The following RIPK2 variants were observed in gnomAD, a reference collection of about 807,000 sequenced individuals.
RIPK2 encodes receptor interacting serine/threonine kinase 2.
A neutral mutation model predicts 60.9 loss-of-function variants in RIPK2; 38 were observed. That is an observed-to-expected ratio of 0.62 (90% CI 0.48 to 0.82). The LOEUF (loss-of-function observed/expected upper bound fraction) is 0.82, where lower values mean the gene tolerates loss of function less well. Among genes scored for constraint, RIPK2 ranks in the 40% least tolerant of loss-of-function variants. The pLI, the probability that RIPK2 is intolerant of heterozygous loss-of-function variation, is 0.00. For synonymous variants in RIPK2, 225 were observed against 223.4 expected, an observed-to-expected ratio of 1.01 and a Z score of -0.06; for missense variants, 518 against 647.0, an observed-to-expected ratio of 0.80 and a Z score of 2.16.
At chr8:89,764,170 AC>A (rs1443973124) in intron 2 of RIPK2, among the ~76,000 whole-genome samples, 3 of 152,140 alleles carry the variant, frequency 2.0e-5, no homozygotes, top group Admixed American at 6.5e-5. Flanking sequence ...AGAAAAAGTT[AC>A]CTTTTTTACA....
At chr8:89,782,989 A>G (rs1157935635) in intron 7 of RIPK2, among the ~76,000 whole-genome samples, 1 of 152,224 alleles carries the variant, frequency 6.6e-6, no homozygotes, top group Admixed American at 6.5e-5. Flanking sequence ...AACTCATTTT[A>G]AAGGGTCATA....
Position 89,786,689 on chromosome 8 carries a change from A to T in RIPK2, c.1123+3A>T. On this transcript the variant is annotated splice_donor_region_variant and intron_variant, in intron 9 of 10. Transcript: ENST00000220751. The stretch of plus-strand genomic sequence containing the variant: ...TCAAGACAATGATTTTTTATCTAGT[A>T]TGTAGATTTTCCAATCATTATTTAC... 2 of 1,485,888 alleles carry T rather than the reference A, an allele frequency of 1.3e-6. No individual in the cohort carries two copies. Among genetic ancestry groups the T allele is most frequent in the Non-Finnish European group, 1.8e-6 (2 of 1,082,362 alleles). 92.0% of individuals were successfully genotyped at this position (1,485,888 alleles called of 1,614,324 possible).
rs35395048 is a variant in RIPK2, at chr8:89,780,160, G to C, written c.939G>C (p.Lys313Asn). ...LEAVIQLKKT[K>N]LQSVSSAIHL... ...CTGTTATTCAGCTAAAGAAAACAAA[G>C]GTAAGTTGCTAAATGAAATGCTGGA... is the stretch of plus-strand genomic sequence containing the variant. The change falls in exon 7 of 11, where the codon AAG becomes AAC. Residue 313 changes from lysine to asparagine, a missense_variant and splice_region_variant. This residue lies in a region of RIPK2 where 448 missense variants were observed against 534.7 expected (regional missense o/e 0.84). Coordinates refer to ENST00000220751, the MANE Select transcript of RIPK2 (RefSeq NM_003821.6). 165 of 1,473,596 alleles carry C rather than the reference G, an allele frequency of 1.1e-4. No individual in the cohort carries two copies. The East Asian group carries it at 3.5e-3, about 32-fold the overall frequency. The allele number at this position is 1,473,596 out of a possible 1,614,324, so 91.3% of individuals were successfully genotyped here. A position where few individuals can be genotyped will look rare whatever the true frequency, so the allele number is the denominator to read the frequency against.
chr8:89,765,526 C>T (rs747912283), intron 3 of RIPK2, 30 bp downstream of exon 3: 18 of 1,420,826 alleles, frequency 1.3e-5, no homozygotes, highest in Non-Finnish European at 1.4e-5. Context: ...GTTTATGTTT[C>T]CTTGTCCTTA....
At position 89,784,140 on chromosome 8, in the gene RIPK2, G is replaced by C; in HGVS notation, c.1029+1G>C. On this transcript the variant is annotated splice_donor_variant, in intron 8 of 10. Coordinates refer to ENST00000220751, the MANE Select transcript of RIPK2 (RefSeq NM_003821.6). LOFTEE classifies it high-confidence loss of function. ...ACCTGTAAATCATGGTCCACAAGAG[G>C]TAAAAAAAAAAAAAAAAAAAAAAAG... The C allele has an allele frequency of 2.1e-6, 1 of 476,198 alleles. No individual in the cohort carries two copies. The highest frequency in any genetic ancestry group is 3.0e-6 in the Non-Finnish European group (1 of 332,444). 29.5% of individuals were successfully genotyped at this position (476,198 alleles called of 1,614,324 possible).
At chr8:89,784,009 T>G (rs760130425) in intron 7 of RIPK2, 41 bp from the exon 8 acceptor site, 2 of 1,052,896 alleles carry the variant, frequency 1.9e-6, no homozygotes, top group Non-Finnish European at 1.4e-6. Flanking sequence ...TTCCTAATCA[T>G]CTCCAGTTAA....
chr8:89,784,584 T>C (rs1205947533), intron 8 of RIPK2, among the ~76,000 whole-genome samples: 1 of 152,196 alleles, frequency 6.6e-6, no homozygotes. Context: ...TAATTTCTTT[T>C]AAGAATGTAT....
chr8:89,769,038 A>T (rs1387864087), intron 3 of RIPK2, among the ~76,000 whole-genome samples: 1 of 151,802 alleles, frequency 6.6e-6, no homozygotes, highest in Non-Finnish European at 1.5e-5. Context: ...AAAATAAAGT[A>T]AAAAATAAGG....
chr8:89,769,044 TAAGG>T (rs1428718590), intron 3 of RIPK2, among the ~76,000 whole-genome samples: 1 of 151,750 alleles, frequency 6.6e-6, no homozygotes, highest in Non-Finnish European at 1.5e-5. Context: ...AAGTAAAAAA[TAAGG>T]AAGCTTTTAA....
At chr8:89,786,752 G>A (rs1316124402) in intron 9 of RIPK2, 66 bp downstream of exon 9, 8 of 936,282 alleles carry the variant, frequency 8.5e-6, no homozygotes, top group Admixed American at 2.1e-5. Context: ...TCAAATTTTT[G>A]CAAGCAGTCA....
intron 6 of RIPK2, among the ~76,000 whole-genome samples, chr8:89,777,349 A>T (rs1488661739): frequency 1.3e-5 from 2 of 152,232 alleles, no homozygotes; most frequent in Non-Finnish European, 2.9e-5. Flanking sequence ...AGGACAACAG[A>T]GATATATACC....
chr8:89,765,584 A>G (rs1301174739), intron 3 of RIPK2, 88 bp downstream of exon 3: 1 of 780,006 alleles, frequency 1.3e-6, no homozygotes, highest in African/African-American at 1.8e-5. Flanking sequence ...AGCCAATTTC[A>G]TGTCTCTCCT....
intron 1 of RIPK2, 70 bp from the exon 2 acceptor site, chr8:89,762,759 C>A: frequency 1.2e-6 from 1 of 864,480 alleles, no homozygotes; most frequent in Non-Finnish European, 1.6e-6. Context: ...AAAATCCAGG[C>A]TTAGTCTTAT....
chr8:89,778,869 T>A (rs1247845983), intron 6 of RIPK2, among the ~76,000 whole-genome samples: 1 of 152,228 alleles, frequency 6.6e-6, no homozygotes, highest in African/African-American at 2.4e-5. Context: ...TATCTTTAAT[T>A]TTTAAGAAAC....
chr8:89,769,079 G>A (rs938177248), intron 3 of RIPK2, among the ~76,000 whole-genome samples: 1 of 151,768 alleles, frequency 6.6e-6, no homozygotes, highest in Non-Finnish European at 1.5e-5. Flanking sequence ...ATAAGATACT[G>A]TATAATATGT....
At chr8:89,759,813 A>C (rs563322971) in intron 1 of RIPK2, among the ~76,000 whole-genome samples, 1 of 152,344 alleles carries the variant, frequency 6.6e-6, no homozygotes, top group South Asian at 2.1e-4. Flanking sequence ...TGGACCCATT[A>C]GGTATTGAAA....
At position 89,789,987 on chromosome 8, in the gene RIPK2, G is replaced by T. The variant is rs879232831; in HGVS notation, c.1286-92G>T. The T allele has an allele frequency of 3.6e-5, 33 of 918,892 alleles. No individual in the cohort carries two copies. The South Asian group carries it at 5.6e-4, about 16-fold the overall frequency. 56.9% of individuals were successfully genotyped at this position (918,892 alleles called of 1,614,324 possible). A position where few individuals can be genotyped will look rare whatever the true frequency, so the allele number is the denominator to read the frequency against. ...ATTGGCACAATCATAGGAAAATTAT[G>T]TTTTATGCTTTATTTATTTTTCATG... On this transcript the variant is annotated intron_variant, in intron 10 of 10. Transcript: ENST00000220751.
At chr8:89,758,263 G>T (rs748635828) in intron 1 of RIPK2, 30 bp downstream of exon 1, 14 of 1,566,696 alleles carry the variant, frequency 8.9e-6, no homozygotes, top group Non-Finnish European at 1.2e-5. Context: ...CCCTGGAAGA[G>T]CCCTCAACTC....
At chr8:89,776,656 C>A (rs1046075838) in intron 6 of RIPK2, among the ~76,000 whole-genome samples, 1 of 152,174 alleles carries the variant, frequency 6.6e-6, no homozygotes, top group Non-Finnish European at 1.5e-5. Context: ...ACCACCCCCG[C>A]CAGGGGTCCC....
Sources: gnomAD v4.1 joint callset for allele counts (sites outside exome capture counted in the v4.1 genomes callset) on GRCh38, gnomAD v4.1.1 for gene constraint, gnomAD v4.1.1 regional missense constraint, MANE v1.5 for transcripts, NCBI Gene and HGNC (gene_info 2026-07-23, HGNC 2026-07-21) for gene names.